UNC79: variants seen among roughly 807,000 people sequenced by gnomAD.
UNC79 encodes protein unc-79 homolog.
In UNC79, 37 loss-of-function variants were observed where a neutral mutation model predicts 283.1. The observed-to-expected ratio is 0.13, with a 90% CI of 0.10 to 0.17. The LOEUF is 0.17. Ranked by LOEUF, UNC79 falls within the 10% of genes least tolerant of loss-of-function variation. The probability of loss-of-function intolerance (pLI) is 1.00; values close to 1 mark genes in which losing one functional copy is unlikely to be tolerated. For missense variants in UNC79, 2,272 were observed against 3,211.1 expected (o/e 0.71, Z 7.07); for synonymous variants, 1,107 against 1,200.2 (o/e 0.92, Z 1.61).
chr14:93,357,676 C>CATATATATATATATATAT (rs60284787), intron 1 of UNC79, among the ~76,000 whole-genome samples: 2 of 32,348 alleles, frequency 6.2e-5, no homozygotes, highest in Non-Finnish European at 5.7e-5. Context: ...AATAAACTCC[C>CATATATATATATATATAT]ATATATATAT....
chr14:93,367,874 G>T lies in UNC79; in HGVS notation c.-351+34351G>T, dbSNP rs149144778. On this transcript the variant is annotated intron_variant, in intron 1 of 49. Coordinates refer to the UNC79 transcript ENST00000256339. ...ATGATTTCTTCTATGGATGGAAATAGTTGGAATAGAGAAGAAGTCAATATG... is the reference window on the plus strand; with the variant it reads ...ATGATTTCTTCTATGGATGGAAATATTTGGAATAGAGAAGAAGTCAATATG... 5.9e-5 allele frequency among the ~76,000 whole-genome samples: 9 copies of T among 152,344 alleles called. No homozygotes were observed. The East Asian group carries it at 1.7e-3, about 29-fold the overall frequency.
intron 47 of UNC79, among the ~76,000 whole-genome samples, chr14:93,702,953 T>C (rs957744746): frequency 6.6e-6 from 1 of 152,252 alleles, no homozygotes; most frequent in African/African-American, 2.4e-5. Context: ...TCTGGAGCAC[T>C]GTTTTGCTCA....
chr14:93,454,209 TA>T (rs2056731430), intron 1 of UNC79, among the ~76,000 whole-genome samples: 1 of 151,948 alleles, frequency 6.6e-6, no homozygotes, highest in Admixed American at 6.6e-5. Flanking sequence ...ACTTGGTTAT[TA>T]AAAAAATTTT....
intron 14 of UNC79, among the ~76,000 whole-genome samples, chr14:93,552,663 C>T (rs1051637299): frequency 8.6e-5 from 13 of 151,896 alleles, no homozygotes; most frequent in Admixed American, 7.2e-4. Flanking sequence ...TGATTATTTG[C>T]GTGAAGTGCA....
intron 1 of UNC79, among the ~76,000 whole-genome samples, chr14:93,354,792 G>A (rs1719263551): frequency 6.6e-6 from 1 of 152,116 alleles, no homozygotes; most frequent in Non-Finnish European, 1.5e-5. Flanking sequence ...ATGAGATACT[G>A]CACCCAGCCC....
chr14:93,672,520 G>A (rs2072969843), intron 40 of UNC79, among the ~76,000 whole-genome samples: 2 of 152,128 alleles, frequency 1.3e-5, no homozygotes, highest in South Asian at 4.1e-4. Context: ...GGAAGGGTGT[G>A]TGTGGGGAGG....
At chr14:93,410,302 C>T (rs575725457) in intron 1 of UNC79, among the ~76,000 whole-genome samples, 26 of 152,220 alleles carry the variant, frequency 1.7e-4, no homozygotes, top group African/African-American at 4.6e-4. Flanking sequence ...CCTATCCCAG[C>T]GGTCTGAACT....
intron 39 of UNC79, among the ~76,000 whole-genome samples, chr14:93,659,722 T>TATC (rs766058668): frequency 1.3e-5 from 2 of 152,184 alleles, no homozygotes; most frequent in African/African-American, 2.4e-5. Context: ...GAATCAGCGT[T>TATC]ATCATCATCA....
At chr14:93,697,814 C>T (rs1462947246) in intron 47 of UNC79, among the ~76,000 whole-genome samples, 1 of 152,126 alleles carries the variant, frequency 6.6e-6, no homozygotes, top group African/African-American at 2.4e-5. Flanking sequence ...GTTCTAGCTA[C>T]TTGGGAGGCT....
At chr14:93,456,850 C>T (rs1050910477) in intron 1 of UNC79, among the ~76,000 whole-genome samples, 1 of 152,152 alleles carries the variant, frequency 6.6e-6, no homozygotes, top group Admixed American at 6.5e-5. Flanking sequence ...GTCTGTTTGG[C>T]CTTCTGACTC....
chr14:93,562,066 G>A (rs1274500206), intron 14 of UNC79, among the ~76,000 whole-genome samples: 1 of 152,180 alleles, frequency 6.6e-6, no homozygotes, highest in African/African-American at 2.4e-5. Context: ...TGAGTTTAAG[G>A]GAAGTAGTGG....
Position 93,462,529 on chromosome 14 carries a change from A to G in UNC79, c.23-5142A>G, listed in dbSNP as rs2056997446. On this transcript the variant is annotated intron_variant, in intron 1 of 48. Coordinates refer to ENST00000555664, the Ensembl canonical transcript of UNC79. ...GATCTGTTTGGCTGCTCTGAGGAGA[A>G]GGAGTGGAGAGAGGCAAGAAGAAAT... 2.0e-5 allele frequency among the ~76,000 whole-genome samples: 3 copies of G among 152,192 alleles called. 1 individual carries two copies. The South Asian group carries it at 6.2e-4, about 32-fold the overall frequency.
At chr14:93,700,258 T>C (rs2141038468) in intron 47 of UNC79, among the ~76,000 whole-genome samples, 1 of 152,284 alleles carries the variant, frequency 6.6e-6, no homozygotes, top group East Asian at 1.9e-4. Flanking sequence ...AGAGTTTTCT[T>C]CATATTTCTG....
intron 1 of UNC79, among the ~76,000 whole-genome samples, chr14:93,453,211 T>G (rs8013420): frequency 0.067 from 10,268 of 152,288 alleles, 1,206 homozygotes; most frequent in African/African-American, 0.24. Context: ...TGTCTTCTTA[T>G]GGAGTAGAAT....
At chr14:93,582,374 G>A (rs566214571) in intron 20 of UNC79, 30 bp downstream of exon 20, 53 of 1,607,998 alleles carry the variant, frequency 3.3e-5, no homozygotes, top group Non-Finnish European at 3.9e-5. Flanking sequence ...CGGGGAATGC[G>A]CCACGTGCAC....
chr14:93,700,675 T>C (rs1457900558), intron 47 of UNC79, among the ~76,000 whole-genome samples: 1 of 152,220 alleles, frequency 6.6e-6, no homozygotes, highest in Non-Finnish European at 1.5e-5. Flanking sequence ...CTTACAAATA[T>C]CTTTATCCTT....
intron 46 of UNC79, among the ~76,000 whole-genome samples, chr14:93,692,909 C>A (rs1237425543): frequency 1.3e-5 from 2 of 152,160 alleles, no homozygotes; most frequent in Non-Finnish European, 2.9e-5. Context: ...GGGACACCAT[C>A]AATAGAGTTC....
At chr14:93,641,361 C>T (rs2140203591) in intron 33 of UNC79, 114 bp downstream of exon 36, 1 of 1,001,806 alleles carries the variant, frequency 1.0e-6, no homozygotes, top group Non-Finnish European at 1.5e-6. Flanking sequence ...TAATTTGTTC[C>T]TCCAGTATAT....
chr14:93,496,441 T>A, exon 6 of UNC79: 1 of 1,546,918 alleles, frequency 6.5e-7, no homozygotes, highest in Non-Finnish European at 8.7e-7. Flanking sequence ...GAATGCCTCA[T>A]GAAATATAAA....
Sources: allele counts gnomAD v4.1 joint callset (sites outside exome capture counted in the v4.1 genomes callset), GRCh38; gene constraint gnomAD v4.1.1; transcripts MANE v1.5; gene names NCBI Gene and HGNC (gene_info 2026-07-23, HGNC 2026-07-21).